The following ZNF215 variants were observed in gnomAD, a reference collection of about 807,000 sequenced individuals.
ZNF215 encodes zinc finger protein 215.
A neutral mutation model predicts 27.2 loss-of-function variants in ZNF215; 24 were observed. That is an observed-to-expected ratio of 0.88 (90% CI 0.64 to 1.24). ZNF215 has a LOEUF of 1.24. Among genes scored for constraint, ZNF215 ranks in the 50% most tolerant of loss-of-function variants. The pLI is 0.00. For missense variants in ZNF215, 675 were observed against 605.7 expected (o/e 1.11, Z -1.20); for synonymous variants, 210 against 204.0 (o/e 1.03, Z -0.25).
At position 6,984,101 on chromosome 11, in the gene ZNF215, A is replaced by G. The variant is rs150074875; in HGVS notation, c.806-28A>G. On this transcript the variant is annotated intron_variant, in intron 5 of 5. Transcript: ENST00000529903. ...AATATTTCAGGAAGATAATTTGACA[A>G]TGTCCCTTAAATTTTTTTTTTTTTC... is the stretch of plus-strand genomic sequence containing the variant. 291 of 410,028 alleles carry G rather than the reference A, an allele frequency of 7.1e-4. 1 individual carries two copies. Among genetic ancestry groups the G allele is most frequent in the African/African-American group, 5.7e-3 (265 of 46,504 alleles). The allele number at this position is 410,028 out of a possible 1,614,324, so 25.4% of individuals were successfully genotyped here. A position where few individuals can be genotyped will look rare whatever the true frequency, so the allele number is the denominator to read the frequency against.
At chr11:6,989,725 C>T (rs992423950), downstream of ZNF215, among the ~76,000 whole-genome samples, 11 of 152,154 alleles carry the variant, frequency 7.2e-5, no homozygotes, top group African/African-American at 2.2e-4. Flanking sequence ...GAAGTGAAAA[C>T]ACAGGCCTGG....
At chr11:6,986,358 C>T (rs1851053377), downstream of ZNF215, among the ~76,000 whole-genome samples, 2 of 152,118 alleles carry the variant, frequency 1.3e-5, no homozygotes, top group African/African-American at 4.8e-5. Context: ...CCCTACCTAA[C>T]ACCATAAACC....
intron 6 of ZNF215, among the ~76,000 whole-genome samples, chr11:6,954,140 C>T (rs1850213632): frequency 6.6e-6 from 1 of 152,120 alleles, no homozygotes; most frequent in African/African-American, 2.4e-5. Context: ...GTCAGTCTGC[C>T]CCTACTGGGG....
At position 6,956,467 on chromosome 11, in the gene ZNF215, A is replaced by T; in HGVS notation, c.1490A>T (p.Lys497Ile). The T allele has an allele frequency of 6.2e-7, 1 of 1,613,874 alleles. No homozygotes were observed. The highest frequency in any genetic ancestry group is 8.5e-7 in the Non-Finnish European group (1 of 1,179,958). The change falls in exon 7 of 7, where the codon AAA becomes ATA. Residue 497 changes from lysine to isoleucine, a missense_variant. Transcript: ENST00000278319. ...EKPFKCKECS[K>I]AFNRSSNLVK... ...CCATTCAAATGTAAGGAATGTAGTA[A>T]AGCCTTCAACAGGAGTTCAAACCTT...
intron 3 of ZNF215, among the ~76,000 whole-genome samples, chr11:6,933,413 C>G (rs1019726485): frequency 1.3e-5 from 2 of 152,068 alleles, no homozygotes; most frequent in Non-Finnish European, 2.9e-5. Context: ...CTTCAGTGTT[C>G]AGAAAGAGAA....
At chr11:6,960,936 G>A (rs997862690), downstream of ZNF215, among the ~76,000 whole-genome samples, 4 of 152,104 alleles carry the variant, frequency 2.6e-5, no homozygotes, top group African/African-American at 9.7e-5. Flanking sequence ...GTATGTCAGA[G>A]AAGTTTTGTT....
intron 5 of ZNF215, among the ~76,000 whole-genome samples, chr11:6,980,180 T>C (rs1850918726): frequency 6.6e-6 from 1 of 152,118 alleles, no homozygotes; most frequent in Admixed American, 6.6e-5. Context: ...TTGTTAAAAT[T>C]ACTGCAGTCA....
downstream of ZNF215, among the ~76,000 whole-genome samples, chr11:6,986,876 A>C (rs1230234741): frequency 2.0e-5 from 3 of 152,128 alleles, no homozygotes; most frequent in East Asian, 5.8e-4. Context: ...GATGTTGGTG[A>C]GGCAGCATCT....
intron 5 of ZNF215, among the ~76,000 whole-genome samples, chr11:6,980,707 C>A (rs1189686188): frequency 6.6e-6 from 1 of 150,634 alleles, no homozygotes; most frequent in Non-Finnish European, 1.5e-5. Context: ...GTGCTGCACC[C>A]ATTAACTCGT....
At chr11:6,936,060 A>G (rs1849426321) in intron 3 of ZNF215, among the ~76,000 whole-genome samples, 1 of 152,140 alleles carries the variant, frequency 6.6e-6, no homozygotes, top group Non-Finnish European at 1.5e-5. Flanking sequence ...AATTGTAGCT[A>G]TAAATGCCTA....
At chr11:6,945,121 ATTATTATCTCT>A (rs1281816818) in intron 6 of ZNF215, among the ~76,000 whole-genome samples, 1 of 152,208 alleles carries the variant, frequency 6.6e-6, no homozygotes, top group Non-Finnish European at 1.5e-5. Flanking sequence ...ATAATAGAGT[ATTATTATCTCT>A]TTATCATCAT....
Position 6,932,157 on chromosome 11 carries a change from A to C in ZNF215, c.-116A>C. 7.6e-7 allele frequency: 1 copy of C among 1,322,910 alleles called. No individual in the cohort carries two copies. The allele number at this position is 1,322,910 out of a possible 1,614,324, so 81.9% of individuals were successfully genotyped here. A position where few individuals can be genotyped will look rare whatever the true frequency, so the allele number is the denominator to read the frequency against. On this transcript the variant is annotated 5_prime_UTR_variant, in exon 3 of 7. Coordinates refer to ENST00000278319, the MANE Select transcript of ZNF215 (RefSeq NM_013250.4). ...TTCTGGAACTTTCCTCCTTACCGTG[A>C]AATAACTTGGCTTAAATCACACTGC... is the stretch of plus-strand genomic sequence containing the variant.
At chr11:6,943,004 T>TA in intron 4 of ZNF215, 79 bp from the exon 5 acceptor site, 3 of 1,551,282 alleles carry the variant, frequency 1.9e-6, no homozygotes, top group Non-Finnish European at 2.6e-6. Context: ...GCTCCTACCC[T>TA]ATTCCTTCAA....
chr11:6,983,020 T>C (rs1402472482), intron 5 of ZNF215, among the ~76,000 whole-genome samples: 1 of 148,566 alleles, frequency 6.7e-6, no homozygotes, highest in Non-Finnish European at 1.5e-5. Flanking sequence ...GCAAGACTAA[T>C]AAAGAAGAAA....
chr11:6,973,425 C>T (rs1850762521), intron 5 of ZNF215, among the ~76,000 whole-genome samples: 1 of 152,130 alleles, frequency 6.6e-6, no homozygotes, highest in South Asian at 2.1e-4. Context: ...AATGGGATGG[C>T]TGGGTCAAAT....
intron 6 of ZNF215, among the ~76,000 whole-genome samples, chr11:6,994,342 C>G (rs1851153912): frequency 6.6e-6 from 1 of 152,104 alleles, no homozygotes; most frequent in Non-Finnish European, 1.5e-5. Context: ...CACAATTTCT[C>G]TTGACTATAG....
At chr11:6,987,585 A>G (rs1278883217), downstream of ZNF215, among the ~76,000 whole-genome samples, 1 of 152,212 alleles carries the variant, frequency 6.6e-6, no homozygotes, top group Non-Finnish European at 1.5e-5. Context: ...GGCATCTGGT[A>G]TGTATATCTA....
At chr11:6,953,978 G>A (rs559978693) in intron 6 of ZNF215, among the ~76,000 whole-genome samples, 108 of 152,328 alleles carry the variant, frequency 7.1e-4, no homozygotes, top group African/African-American at 2.4e-3. Flanking sequence ...CTGCAGGTCT[G>A]TTGGAGTTTG....
chr11:6,939,797 G>T (rs529864586), intron 3 of ZNF215, among the ~76,000 whole-genome samples: 3 of 152,284 alleles, frequency 2.0e-5, no homozygotes, highest in African/African-American at 7.2e-5. Flanking sequence ...TAGCTGATTG[G>T]AGAGATTTGC....
Sources: allele counts gnomAD v4.1 joint callset (sites outside exome capture counted in the v4.1 genomes callset), GRCh38; gene constraint gnomAD v4.1.1; transcripts MANE v1.5; gene names NCBI Gene and HGNC (gene_info 2026-07-23, HGNC 2026-07-21).